The following CASP10 variants were observed in gnomAD, a reference collection of about 807,000 sequenced individuals.
CASP10 encodes caspase-10.
Under a neutral mutation model 48.5 loss-of-function variants are expected in CASP10, and 41 were observed. That is an observed-to-expected ratio of 0.85 (90% CI 0.66 to 1.10). The LOEUF is 1.10. CASP10 is among the 50% of genes least tolerant of loss of function. The pLI is 0.00. For synonymous variants in CASP10, 232 were observed against 238.4 expected (o/e 0.97, Z 0.25); for missense variants, 614 against 614.5 (o/e 1.00, Z 0.01).
At chr2:201,225,263 C>T (rs1945773475), downstream of CASP10, among the ~76,000 whole-genome samples, 3 of 152,194 alleles carry the variant, frequency 2.0e-5, no homozygotes, top group Non-Finnish European at 4.4e-5. Flanking sequence ...CTCCTGTACC[C>T]ACCAACACCC....
At position 201,200,828 on chromosome 2, in the gene CASP10, TTTCTC is replaced by T. The variant is rs1359853692; in HGVS notation, c.685-2900_685-2896del. On this transcript the variant is annotated intron_variant, in intron 5 of 9. Transcript: ENST00000286186. ...TTTATAAAATCTTAAATTGGCTTCT[TTTCTC>T]TAGGAAAATAGCCCTTGATTCAATT... is the stretch of plus-strand genomic sequence containing the variant. The T allele has an allele frequency of 5.8e-6, 5 of 860,482 alleles. No homozygotes were observed. In the Admixed American group the frequency reaches 2.6e-4, roughly 45 times the overall value. 53.3% of individuals were successfully genotyped at this position (860,482 alleles called of 1,614,324 possible).
chr2:201,226,058 C>G (rs1945784194), downstream of CASP10, among the ~76,000 whole-genome samples: 1 of 152,128 alleles, frequency 6.6e-6, no homozygotes, highest in Admixed American at 6.5e-5. Context: ...GATATATGTA[C>G]ATATACTATA....
Position 201,220,895 on chromosome 2 carries a change from C to T in CASP10, c.*3154C>T, listed in dbSNP as rs1439081809. On this transcript the variant is annotated 3_prime_UTR_variant, in exon 10 of 10. Transcript: ENST00000286186. ...AGAGCAAAGGATCTGGAGATCAAAG[C>T]CCTGCATTTCCATTTTGTCCTGATT... 1.0e-6 allele frequency: 1 copy of T among 985,456 alleles called. No individual in the cohort carries two copies. The highest frequency in any genetic ancestry group is 1.2e-6 in the Non-Finnish European group (1 of 829,934). The allele number at this position is 985,456 out of a possible 1,614,324, so 61.0% of individuals were successfully genotyped here. A position where few individuals can be genotyped will look rare whatever the true frequency, so the allele number is the denominator to read the frequency against.
Position 201,209,044 on chromosome 2 carries a change from T to C in CASP10, c.923-26T>C, listed in dbSNP as rs747947878. The C allele has an allele frequency of 8.0e-4, 1,113 of 1,388,512 alleles. 1 individual carries two copies. The African/African-American group carries it at 0.014, about 17-fold the overall frequency. 86.0% of individuals were successfully genotyped at this position (1,388,512 alleles called of 1,614,324 possible). ...TCCCCTTTCTCTCTCTCTCTCTCTT[T>C]TTTTTTTTTTTTTGTTTTTAAACAG... On this transcript the variant is annotated intron_variant, in intron 8 of 9. Transcript: ENST00000286186.
Position 201,220,900 on chromosome 2 carries a change from C to T in CASP10, c.*3159C>T. 3 of 985,486 alleles carry T rather than the reference C, an allele frequency of 3.0e-6. No individual in the cohort carries two copies. The South Asian group carries it at 1.4e-4, about 46-fold the overall frequency. The allele number at this position is 985,486 out of a possible 1,614,324, so 61.0% of individuals were successfully genotyped here. ...AAAGGATCTGGAGATCAAAGCCCTG[C>T]ATTTCCATTTTGTCCTGATTCCTTT... is the stretch of plus-strand genomic sequence containing the variant. On this transcript the variant is annotated 3_prime_UTR_variant, in exon 10 of 10. Transcript: ENST00000286186.
At position 201,217,599 on chromosome 2, in the gene CASP10, T is replaced by C. The variant is rs768076722; in HGVS notation, c.1427T>C (p.Ile476Thr). The part of the protein sequence containing the change: ...LKKLVPRHED[I>T]LSILTAVNDD... ...CTTCTTTGTTGCAGACATGAAGACA[T>C]CTTATCCATCCTCACTGCTGTCAAC... Residue 476 changes from isoleucine to threonine, a missense_variant, in exon 10 of 10, where the codon ATC becomes ACC. Physicochemically the swap from Ile to Thr is moderately conservative, Grantham distance 89. Coordinates refer to ENST00000286186, the MANE Select transcript of CASP10 (RefSeq NM_032977.4). The C allele has an allele frequency of 3.7e-6, 6 of 1,613,816 alleles. No individual in the cohort carries two copies. The highest frequency in any genetic ancestry group is 5.1e-6 in the Non-Finnish European group (6 of 1,179,690).
chr2:201,205,898 T>C lies in CASP10; in HGVS notation c.738T>C (p.Asn246=). ...TCTTTCTAGGTAACAGAGCCACAAA[T>C]GGTGCACCAAGCCTGGTCTCCAGGG... ...HAGSNGNRAT[N]GAPSLVSRGM... The change falls in exon 7 of 10, where the codon AAT becomes AAC. Residue 246 remains asparagine, a synonymous_variant. Transcript: ENST00000286186. 1 of 1,610,666 alleles carries C rather than the reference T, an allele frequency of 6.2e-7. No individual in the cohort carries two copies. The highest frequency in any genetic ancestry group is 8.5e-7 in the Non-Finnish European group (1 of 1,176,854).
intron 4 of CASP10, among the ~76,000 whole-genome samples, chr2:201,193,752 A>T (rs1489542573): frequency 2.6e-5 from 4 of 152,310 alleles, no homozygotes; most frequent in African/African-American, 7.2e-5. Flanking sequence ...GAGTATAGGG[A>T]ATTATTTTAA....
At chr2:201,185,063 C>T (rs904813036) in intron 1 of CASP10, among the ~76,000 whole-genome samples, 1 of 152,148 alleles carries the variant, frequency 6.6e-6, no homozygotes, top group Non-Finnish European at 1.5e-5. Context: ...ATGATCATGG[C>T]TCACTGCAAC....
chr2:201,194,335 G>T (rs541858734), intron 4 of CASP10, among the ~76,000 whole-genome samples: 9 of 152,274 alleles, frequency 5.9e-5, no homozygotes, highest in Admixed American at 3.3e-4. Context: ...ATTTAGTTCA[G>T]TGAGTGACTC....
At position 201,192,969 on chromosome 2, in the gene CASP10, T is replaced by C. The variant is rs1944661938; in HGVS notation, c.442-15T>C. ...CAATAGGCAAGTAAATGTAACTCTA[T>C]TGATTCTCTTGTAGACCTCCCTAAG... On this transcript the variant is annotated splice_polypyrimidine_tract_variant and intron_variant, in intron 3 of 9. Transcript: ENST00000286186. 6.2e-7 allele frequency: 1 copy of C among 1,612,260 alleles called. No homozygotes were observed. Among genetic ancestry groups the C allele is most frequent in the African/African-American group, 1.3e-5 (1 of 74,878 alleles).
chr2:201,217,982 C>T lies in CASP10; in HGVS notation c.*241C>T, dbSNP rs370987136. On this transcript the variant is annotated 3_prime_UTR_variant, in exon 10 of 10. Transcript: ENST00000286186. Reference sequence around the variant, plus strand: ...AGACTGGAGTGCAGGGGGGCAATCACGGCTCACTGTAGTCTCGACCTCCCA... The same window carrying T: ...AGACTGGAGTGCAGGGGGGCAATCATGGCTCACTGTAGTCTCGACCTCCCA... 17 of 1,109,216 alleles carry T rather than the reference C, an allele frequency of 1.5e-5. No homozygotes were observed. The highest frequency in any genetic ancestry group is 1.1e-4 in the South Asian group (7 of 61,254). The allele number at this position is 1,109,216 out of a possible 1,614,324, so 68.7% of individuals were successfully genotyped here.
In CASP10 at chr2:201,186,040, A is replaced by G; in HGVS notation, c.263A>G (p.Gln88Arg). The G allele has an allele frequency of 6.2e-7, 1 of 1,613,176 alleles. No individual in the cohort carries two copies. The highest frequency in any genetic ancestry group is 8.5e-7 in the Non-Finnish European group (1 of 1,179,994). The change falls in exon 2 of 10, where the codon CAG (glutamine) becomes CGG (arginine). Residue 88 changes from glutamine (Q) to arginine (R), a missense_variant. Physicochemically the swap from Gln to Arg is conservative, Grantham distance 43. Transcript: ENST00000286186. ...FLAELLYIIR[Q>R]KKLLQHLNCT... ...GCAGAACTCCTCTATATCATACGGCAGAAGAAGCTGCTGCAGCACCTCAAC... is the reference window on the plus strand; with the variant it reads ...GCAGAACTCCTCTATATCATACGGCGGAAGAAGCTGCTGCAGCACCTCAAC...
At chr2:201,214,935 T>C (rs1428402967) in intron 9 of CASP10, 1 of 152,180 alleles carries the variant, frequency 6.6e-6, no homozygotes, top group African/African-American at 2.4e-5. Context: ...ATGATACTTA[T>C]GTAAATAGAG....
chr2:201,226,832 GA>G (rs1470712879), intron 9 of CASP10, among the ~76,000 whole-genome samples: 10 of 152,250 alleles, frequency 6.6e-5, no homozygotes, highest in Non-Finnish European at 1.5e-4. Context: ...TGAACCATAT[GA>G]AATTGCCATT....
chr2:201,213,737 A>G (rs1945477841), intron 9 of CASP10: 1 of 152,248 alleles, frequency 6.6e-6, no homozygotes, highest in South Asian at 2.1e-4. Flanking sequence ...TTGCACTGGT[A>G]AAACTTCAGG....
chr2:201,197,622 G>A (rs1245269702), intron 5 of CASP10, among the ~76,000 whole-genome samples: 3 of 152,070 alleles, frequency 2.0e-5, no homozygotes, highest in East Asian at 1.9e-4. Flanking sequence ...CTCAAAAAAC[G>A]ATAACAAAAA....
At chr2:201,194,782 T>C (rs757746997) in intron 4 of CASP10, among the ~76,000 whole-genome samples, 9 of 152,160 alleles carry the variant, frequency 5.9e-5, no homozygotes, top group Non-Finnish European at 1.3e-4. Context: ...TTTGTTTTTT[T>C]TATTTTTATT....
chr2:201,229,157 G>A (rs894033233), exon 10 of CASP10: 13 of 1,588,568 alleles, frequency 8.2e-6, no homozygotes, highest in Admixed American at 3.3e-5. Flanking sequence ...ACAGCAAGAC[G>A]GAAACCTCCC....
Sources: allele counts gnomAD v4.1 joint callset (sites outside exome capture counted in the v4.1 genomes callset), GRCh38; gene constraint gnomAD v4.1.1; transcripts MANE v1.5; gene names NCBI Gene and HGNC (gene_info 2026-07-23, HGNC 2026-07-21).